Variants in ADAMTS3 observed in about 807,000 individuals in gnomAD.
The protein encoded by ADAMTS3 is A disintegrin and metalloproteinase with thrombospondin motifs 3.
Under a neutral mutation model 129.0 loss-of-function variants are expected in ADAMTS3, and 73 were observed. The observed-to-expected ratio is 0.57, with a 90% CI of 0.47 to 0.69. ADAMTS3 has a LOEUF of 0.69. Ranked by LOEUF, ADAMTS3 falls within the 30% of genes least tolerant of loss-of-function variation. The pLI is 0.00. For missense variants in ADAMTS3, 1,457 were observed against 1,514.5 expected (o/e 0.96, Z 0.63); for synonymous variants, 477 against 510.8 (o/e 0.93, Z 0.89).
intron 4 of ADAMTS3, among the ~76,000 whole-genome samples, chr4:72,396,148 G>A (rs1721718907): frequency 6.6e-6 from 1 of 152,122 alleles, no homozygotes; most frequent in African/African-American, 2.4e-5. Context: ...AAAGGATAAA[G>A]AAGGAGTAGT....
chr4:72,392,973 T>C (rs1721638509), intron 4 of ADAMTS3, among the ~76,000 whole-genome samples: 1 of 151,074 alleles, frequency 6.6e-6, no homozygotes, highest in African/African-American at 2.4e-5. Context: ...TCGCCCAGGC[T>C]GGAGTGCAAT....
In ADAMTS3 at chr4:72,480,759, A is replaced by G. The variant is rs182472742; in HGVS notation, c.505-65788T>C. Among the ~76,000 whole-genome samples, 280 of 139,380 alleles carry G rather than the reference A, an allele frequency of 2.0e-3. 1 individual carries two copies. The highest frequency in any genetic ancestry group is 7.3e-3 in the African/African-American group (272 of 37,220). 91.4% of individuals were successfully genotyped at this position (139,380 alleles called of 152,430 possible). On this transcript the variant is annotated intron_variant, in intron 3 of 21. Transcript: ENST00000286657. ...AGGAAATAAAAGGCATGTATACTGG[A>G]AAAAAAAAAAACTACCCCTATTTCC...
chr4:72,403,987 C>G (rs1479269100), intron 4 of ADAMTS3, among the ~76,000 whole-genome samples: 1 of 151,962 alleles, frequency 6.6e-6, no homozygotes, highest in Non-Finnish European at 1.5e-5. Context: ...ATATTACATA[C>G]TAGAATTCTT....
At chr4:72,362,306 A>G (rs1304525863) in intron 4 of ADAMTS3, among the ~76,000 whole-genome samples, 5 of 152,164 alleles carry the variant, frequency 3.3e-5, no homozygotes, top group Admixed American at 2.6e-4. Context: ...CCTTTGCTTT[A>G]CACAACTCTT....
chr4:72,290,784 G>A (rs1718635633), intron 20 of ADAMTS3, 71 bp downstream of exon 20: 2 of 1,508,700 alleles, frequency 1.3e-6, no homozygotes, highest in African/African-American at 1.4e-5. Context: ...TGATGTTTAA[G>A]CCAAATTAAA....
At chr4:72,417,375 G>A (rs560097530) in intron 3 of ADAMTS3, among the ~76,000 whole-genome samples, 4 of 152,266 alleles carry the variant, frequency 2.6e-5, no homozygotes, top group African/African-American at 9.6e-5. Context: ...TGGGTCTTTT[G>A]AAAACACTTC....
chr4:72,403,093 G>T (rs1361153801), intron 4 of ADAMTS3, among the ~76,000 whole-genome samples: 2 of 152,004 alleles, frequency 1.3e-5, no homozygotes, highest in East Asian at 3.9e-4. Context: ...CTGGAACTGG[G>T]TACCTAAAGT....
Position 72,446,310 on chromosome 4 carries a change from G to C in ADAMTS3, c.505-31339C>G, listed in dbSNP as rs553031026. 2.6e-5 allele frequency among the ~76,000 whole-genome samples: 4 copies of C among 151,796 alleles called. No homozygotes were observed. In the South Asian group the frequency reaches 8.3e-4, roughly 31 times the overall value. On this transcript the variant is annotated intron_variant, in intron 3 of 21. Coordinates refer to ENST00000286657, the MANE Select transcript of ADAMTS3 (RefSeq NM_014243.3). ...GGTCAAGTTCCCCTCAGATCTCACT[G>C]CCAGGATTGGGTCACATAATCATGC... is the stretch of plus-strand genomic sequence containing the variant.
chr4:72,529,550 A>G (rs1298715163), intron 3 of ADAMTS3, among the ~76,000 whole-genome samples: 1 of 148,500 alleles, frequency 6.7e-6, no homozygotes, highest in African/African-American at 2.5e-5. Context: ...GAATCTCTGT[A>G]TCTGGAGATG....
intron 15 of ADAMTS3, among the ~76,000 whole-genome samples, chr4:72,307,242 T>G (rs1719111602): frequency 6.6e-6 from 1 of 152,052 alleles, no homozygotes; most frequent in African/African-American, 2.4e-5. Context: ...GTGGTCCTTT[T>G]GGGATCAGGG....
At chr4:72,503,569 C>T (rs1085950) in intron 3 of ADAMTS3, among the ~76,000 whole-genome samples, 150,952 of 152,308 alleles carry the variant, frequency 0.99, 74,820 homozygotes, top group Middle Eastern at 1. Context: ...TGAGAATATA[C>T]ATTCTATGGT....
chr4:72,515,394 C>A (rs937632075), intron 3 of ADAMTS3, among the ~76,000 whole-genome samples: 1 of 151,840 alleles, frequency 6.6e-6, no homozygotes, highest in African/African-American at 2.4e-5. Flanking sequence ...AGTTCTAGAT[C>A]CTTGAGGAAT....
chr4:72,379,843 T>C (rs1015326785), intron 4 of ADAMTS3, among the ~76,000 whole-genome samples: 1 of 152,120 alleles, frequency 6.6e-6, no homozygotes, highest in African/African-American at 2.4e-5. Context: ...AGTATATAAA[T>C]GTAATTCTGA....
intron 4 of ADAMTS3, among the ~76,000 whole-genome samples, chr4:72,357,086 C>T (rs2109850776): frequency 6.6e-6 from 1 of 151,886 alleles, no homozygotes; most frequent in Non-Finnish European, 1.5e-5. Context: ...CCAGATTAAA[C>T]ATACCCACTA....
intron 3 of ADAMTS3, among the ~76,000 whole-genome samples, chr4:72,428,863 T>C (rs1427261174): frequency 1.3e-5 from 2 of 152,000 alleles, no homozygotes; most frequent in African/African-American, 2.4e-5. Context: ...GAAAAGCTGC[T>C]CCCTGCCAAT....
At chr4:72,349,255 G>C (rs1720365564) in intron 4 of ADAMTS3, among the ~76,000 whole-genome samples, 1 of 151,824 alleles carries the variant, frequency 6.6e-6, no homozygotes, top group Non-Finnish European at 1.5e-5. Context: ...TTAATAATTA[G>C]GCCACAATTT....
chr4:72,481,865 C>T (rs1368515856), intron 3 of ADAMTS3, among the ~76,000 whole-genome samples: 1 of 152,070 alleles, frequency 6.6e-6, no homozygotes, highest in Admixed American at 6.5e-5. Context: ...CATGAACAGA[C>T]ATTTCACATA....
At chr4:72,530,778 T>A (rs866236537) in intron 3 of ADAMTS3, among the ~76,000 whole-genome samples, 1 of 89,774 alleles carries the variant, frequency 1.1e-5, no homozygotes, top group Admixed American at 1.8e-4. Context: ...TTATATATAT[T>A]ATATTATACA....
At chr4:72,441,956 C>T (rs1718129865) in intron 3 of ADAMTS3, 1 of 151,756 alleles carries the variant, frequency 6.6e-6, no homozygotes, top group Non-Finnish European at 1.5e-5. Context: ...CACTAGATGA[C>T]TGCTGCAACT....
Sources: gnomAD v4.1 joint callset for allele counts (sites outside exome capture counted in the v4.1 genomes callset) on GRCh38, gnomAD v4.1.1 for gene constraint, MANE v1.5 for transcripts, NCBI Gene and HGNC (gene_info 2026-07-23, HGNC 2026-07-21) for gene names.